PCDHGA7: variants seen among roughly 807,000 people sequenced by gnomAD.
PCDHGA7 encodes protocadherin gamma subfamily A, 7.
PCDHGA7 carries 44 observed loss-of-function variants against 58.3 expected under a neutral mutation model. The ratio of observed to expected loss-of-function variants is 0.75; its 90% confidence interval spans 0.59 to 0.97. The LOEUF (loss-of-function observed/expected upper bound fraction) is 0.97. Among genes scored for constraint, PCDHGA7 ranks in the 50% least tolerant of loss-of-function variants. The pLI is 0.00. For synonymous variants in PCDHGA7, 516 were observed against 504.2 expected (o/e 1.02, Z -0.31); for missense variants, 1,266 against 1,188.7 (o/e 1.06, Z -0.96).
chr5:141,393,113 G>T (rs1296597974), intron 1 of PCDHGA7: 1 of 1,613,500 alleles, frequency 6.2e-7, no homozygotes. Context: ...CTCAGAGCCC[G>T]CGGTGTCTGA....
At chr5:141,435,575 C>T (rs1054936213) in intron 1 of PCDHGA7, among the ~76,000 whole-genome samples, 2 of 152,088 alleles carry the variant, frequency 1.3e-5, no homozygotes, top group South Asian at 2.1e-4. Context: ...AGTACTGGGG[C>T]AAATTTGCAG....
Position 141,487,820 on chromosome 5 carries a change from G to A in PCDHGA7, c.2425-6987G>A, listed in dbSNP as rs1024593393. 8 of 1,293,652 alleles carry A rather than the reference G, an allele frequency of 6.2e-6. No individual in the cohort carries two copies. The highest frequency in any genetic ancestry group is 3.7e-4 in the Middle Eastern group (2 of 5,382). 80.1% of individuals were successfully genotyped at this position (1,293,652 alleles called of 1,614,324 possible). A position where few individuals can be genotyped will look rare whatever the true frequency, so the allele number is the denominator to read the frequency against. On this transcript the variant is annotated intron_variant, in intron 1 of 3. Transcript: ENST00000518325. This position sits in a 1 kb window ranked among gnomAD's most constrained non-coding sequence, Gnocchi z 5.0. ...GTTGTCACAGTTTAGCATTGGGGGC[G>A]GGTCATGCCTATATCTGAGTAAGAA...
intron 1 of PCDHGA7, among the ~76,000 whole-genome samples, chr5:141,492,482 A>G (rs1339196127): frequency 6.6e-6 from 1 of 152,182 alleles, no homozygotes; most frequent in Non-Finnish European, 1.5e-5. Context: ...GCGGCCGCCC[A>G]GGACCAGGCG....
chr5:141,400,789 C>G (rs1415192979), intron 1 of PCDHGA7: 1 of 561,844 alleles, frequency 1.8e-6, no homozygotes, highest in Non-Finnish European at 3.1e-6. Context: ...TTTTTGTCCT[C>G]TTTCTCAAAG....
At chr5:141,502,862 CTGTCT>C (rs2099816366) in intron 2 of PCDHGA7, among the ~76,000 whole-genome samples, 2 of 68,560 alleles carry the variant, frequency 2.9e-5, no homozygotes, top group Admixed American at 3.3e-4. Flanking sequence ...CCCTGACTCT[CTGTCT>C]TTTTTTTTTT....
At position 141,490,448 on chromosome 5, in the gene PCDHGA7, A is replaced by C. The variant is rs1309104827; in HGVS notation, c.2425-4359A>C. 1 of 1,614,206 alleles carries C rather than the reference A, an allele frequency of 6.2e-7. No homozygotes were observed. Among genetic ancestry groups the C allele is most frequent in the Admixed American group, 1.7e-5 (1 of 60,030 alleles). ...TTTCAGATTAAGCCTTCTGAGAACC[A>C]CTACTCGCTGCTAACCAGCCAGCCT... is the stretch of plus-strand genomic sequence containing the variant. On this transcript the variant is annotated intron_variant, in intron 1 of 3. Coordinates refer to ENST00000518325, the MANE Select transcript of PCDHGA7 (RefSeq NM_018920.4). This position sits in a 1 kb window ranked among gnomAD's most constrained non-coding sequence, Gnocchi z 5.4.
At chr5:141,408,812 G>T (rs1383299883) in intron 1 of PCDHGA7, 2 of 1,613,454 alleles carry the variant, frequency 1.2e-6, no homozygotes, top group Non-Finnish European at 8.5e-7. Context: ...AGACCGGGAA[G>T]AACAGAGATC....
At chr5:141,397,810 A>G (rs2093570260) in intron 1 of PCDHGA7, among the ~76,000 whole-genome samples, 1 of 152,218 alleles carries the variant, frequency 6.6e-6, no homozygotes. Context: ...TAGGCACACA[A>G]AAACAATTAC....
rs142172414 is a variant in PCDHGA7, at chr5:141,477,145, G to A, written c.2425-17662G>A. On this transcript the variant is annotated intron_variant, in intron 1 of 3. Coordinates refer to ENST00000518325, the MANE Select transcript of PCDHGA7 (RefSeq NM_018920.4). The surrounding 1 kb of genome is among the most constrained non-coding windows in gnomAD (Gnocchi z 4.9). ...ATTGCAAAGTGTTGGTGGAGGTTGT[G>A]GATGTGAATGACAACGCCCCGGAGA... The A allele has an allele frequency of 3.7e-6, 6 of 1,614,054 alleles. No homozygotes were observed. The African/African-American group carries it at 8.0e-5, about 22-fold the overall frequency.
At chr5:141,430,815 T>A in intron 1 of PCDHGA7, 1 of 1,535,252 alleles carries the variant, frequency 6.5e-7, no homozygotes, top group Non-Finnish European at 8.7e-7. Flanking sequence ...CTGGGAATCC[T>A]CCTGGGGACT....
At chr5:141,442,417 T>A (rs2098323611) in intron 1 of PCDHGA7, 1 of 152,152 alleles carries the variant, frequency 6.6e-6, no homozygotes, top group Non-Finnish European at 1.5e-5. Flanking sequence ...TGAGTGAACT[T>A]CTTTTTTGAA....
Position 141,432,059 on chromosome 5 carries a change from A to T in PCDHGA7, c.2424+46736A>T. On this transcript the variant is annotated intron_variant, in intron 1 of 3. Transcript: ENST00000518325. This position sits in a 1 kb window ranked among gnomAD's most constrained non-coding sequence, Gnocchi z 6.0. ...TGACCGGGGAACCCCGCCCCTATCC[A>T]CGGAAACTCATATCTCGCTGAACGT... The T allele has an allele frequency of 6.2e-7, 1 of 1,614,170 alleles. No homozygotes were observed. Among genetic ancestry groups the T allele is most frequent in the Non-Finnish European group, 8.5e-7 (1 of 1,180,030 alleles).
At chr5:141,446,493 T>C (rs1416449558) in intron 1 of PCDHGA7, among the ~76,000 whole-genome samples, 2 of 152,152 alleles carry the variant, frequency 1.3e-5, no homozygotes. Flanking sequence ...TTTTTTTTTT[T>C]TGAGATGGAG....
rs536970079 is a variant in PCDHGA7 at position 141,405,367 on chromosome 5, T to C, written c.2424+20044T>C. The C allele has an allele frequency of 1.9e-5, 30 of 1,613,694 alleles. No homozygotes were observed. In the African/African-American group the frequency reaches 3.2e-4, roughly 17 times the overall value. The stretch of plus-strand genomic sequence containing the variant: ...CCAAGTTTCCTATAGAAGACACCCC[T>C]TTGGTTCCGGTGAGTTCATTTTTTT... On this transcript the variant is annotated intron_variant, in intron 1 of 3. Transcript: ENST00000518325.
At chr5:141,509,692 C>T (rs755446680) in intron 3 of PCDHGA7, among the ~76,000 whole-genome samples, 8 of 152,126 alleles carry the variant, frequency 5.3e-5, no homozygotes, top group Non-Finnish European at 1.0e-4. Context: ...TACAGTGGGA[C>T]GTTGGACTGG....
At chr5:141,443,090 C>T (rs1403922939) in intron 1 of PCDHGA7, among the ~76,000 whole-genome samples, 3 of 151,926 alleles carry the variant, frequency 2.0e-5, no homozygotes, top group Non-Finnish European at 2.9e-5. Context: ...TTCCAGTCTC[C>T]TTCTCAAGCT....
intron 3 of PCDHGA7, among the ~76,000 whole-genome samples, chr5:141,506,799 A>G (rs1026030023): frequency 5.3e-5 from 8 of 152,198 alleles, no homozygotes; most frequent in Admixed American, 3.9e-4. Flanking sequence ...CTGGCAGAGG[A>G]TCAAGGCATT....
At chr5:141,463,261 T>G (rs552225283) in intron 1 of PCDHGA7, among the ~76,000 whole-genome samples, 29 of 152,134 alleles carry the variant, frequency 1.9e-4, no homozygotes, top group African/African-American at 6.3e-4. Context: ...TAGTACTCTA[T>G]CCCATAAATT....
chr5:141,410,380 C>T, intron 1 of PCDHGA7: 1 of 1,614,072 alleles, frequency 6.2e-7, no homozygotes, highest in Non-Finnish European at 8.5e-7. Flanking sequence ...CTTGGGACTG[C>T]TTCCATCCTG....
Sources: gnomAD v4.1 joint callset for allele counts (sites outside exome capture counted in the v4.1 genomes callset) on GRCh38, gnomAD v4.1.1 for gene constraint, Gnocchi (gnomAD v3.1) non-coding constraint, MANE v1.5 for transcripts, NCBI Gene and HGNC (gene_info 2026-07-23, HGNC 2026-07-21) for gene names.